PCCA: variants seen among roughly 807,000 people sequenced by gnomAD.
PCCA encodes propionyl-CoA carboxylase subunit alpha.
PCCA carries 74 observed loss-of-function variants against 101.3 expected under a neutral mutation model. The observed-to-expected ratio is 0.73, with a 90% CI of 0.61 to 0.89. The LOEUF (loss-of-function observed/expected upper bound fraction) is 0.89. Among genes scored for constraint, PCCA ranks in the 40% least tolerant of loss-of-function variants. The pLI is 0.00. For synonymous variants in PCCA, 294 were observed against 313.6 expected (o/e 0.94, Z 0.66); for missense variants, 891 against 907.0 (o/e 0.98, Z 0.23).
Position 100,098,966 on chromosome 13 carries a change from G to A in PCCA, c.106-3917G>A, listed in dbSNP as rs188879194. On this transcript the variant is annotated intron_variant, in intron 1 of 23. Transcript: ENST00000376285. ...CTGTTACAATGCATGATGAAATACC[G>A]TGTCATAATACATGGATAAGACCTT... Among the ~76,000 whole-genome samples the A allele has an allele frequency of 4.5e-3, 682 of 152,252 alleles. 8 individuals carry two copies. Among genetic ancestry groups the A allele is most frequent in the Non-Finnish European group, 5.3e-3 (358 of 68,020 alleles).
intron 16 of PCCA, among the ~76,000 whole-genome samples, chr13:100,311,950 C>G (rs1211827334): frequency 6.6e-6 from 1 of 152,082 alleles, no homozygotes; most frequent in Non-Finnish European, 1.5e-5. Context: ...AGAGAATTTA[C>G]CGTCACTGTA....
chr13:100,111,252 C>T (rs1443236064), intron 2 of PCCA, among the ~76,000 whole-genome samples: 5 of 135,486 alleles, frequency 3.7e-5, no homozygotes, highest in African/African-American at 8.4e-5. Flanking sequence ...AGGATGGTCT[C>T]GATCTCCTGA....
intron 7 of PCCA, among the ~76,000 whole-genome samples, chr13:100,214,168 A>G (rs2059382647): frequency 6.6e-6 from 1 of 151,260 alleles, no homozygotes; most frequent in Non-Finnish European, 1.5e-5. Flanking sequence ...AGTTTTGTTC[A>G]TTTTCCTCAG....
chr13:100,315,438 T>A (rs1235138378), intron 16 of PCCA, among the ~76,000 whole-genome samples: 1 of 152,214 alleles, frequency 6.6e-6, no homozygotes, highest in Non-Finnish European at 1.5e-5. Flanking sequence ...ATAGGCAGGT[T>A]TAAAAACTTG....
intron 12 of PCCA, among the ~76,000 whole-genome samples, chr13:100,274,256 G>A (rs1233948284): frequency 6.6e-6 from 1 of 152,060 alleles, no homozygotes; most frequent in Non-Finnish European, 1.5e-5. Context: ...TAATGGGATC[G>A]TATAGTATTC....
intron 6 of PCCA, among the ~76,000 whole-genome samples, chr13:100,170,258 T>C (rs1190428685): frequency 6.6e-6 from 1 of 152,210 alleles, no homozygotes; most frequent in Non-Finnish European, 1.5e-5. Flanking sequence ...GTTGGAAAGA[T>C]TTTTGTTTTT....
At chr13:100,209,773 A>C (rs1386383048) in intron 7 of PCCA, among the ~76,000 whole-genome samples, 1 of 152,030 alleles carries the variant, frequency 6.6e-6, no homozygotes, top group African/African-American at 2.4e-5. Flanking sequence ...CTGGGATTGC[A>C]GGTGCCTGCC....
chr13:100,327,661 G>T (rs74113890), intron 16 of PCCA, among the ~76,000 whole-genome samples: 3 of 152,214 alleles, frequency 2.0e-5, no homozygotes, highest in African/African-American at 7.2e-5. Flanking sequence ...TCCAAAGTGT[G>T]TGTATCATTT....
chr13:100,462,749 A>G (rs1345760666), intron 21 of PCCA, among the ~76,000 whole-genome samples: 1 of 152,234 alleles, frequency 6.6e-6, no homozygotes, highest in Non-Finnish European at 1.5e-5. Flanking sequence ...TCAGTCAGTC[A>G]TCTTACACTG....
At chr13:100,465,518 T>C (rs893619863) in intron 21 of PCCA, among the ~76,000 whole-genome samples, 3 of 152,276 alleles carry the variant, frequency 2.0e-5, no homozygotes, top group Admixed American at 6.5e-5. Flanking sequence ...TATAATTCTT[T>C]AGATTCAGTC....
chr13:100,291,623 G>A (rs1452006143), intron 12 of PCCA, among the ~76,000 whole-genome samples: 4 of 152,188 alleles, frequency 2.6e-5, no homozygotes, highest in Admixed American at 2.0e-4. Flanking sequence ...GGGGTTATCA[G>A]TACTAAGTTC....
At chr13:100,385,809 A>G (rs1006021853) in intron 19 of PCCA, among the ~76,000 whole-genome samples, 2 of 152,016 alleles carry the variant, frequency 1.3e-5, no homozygotes, top group Admixed American at 1.3e-4. Context: ...ACAGGGTTTC[A>G]CCATGTTGCC....
At chr13:100,165,368 T>C (rs2054920581) in intron 6 of PCCA, among the ~76,000 whole-genome samples, 1 of 152,220 alleles carries the variant, frequency 6.6e-6, no homozygotes, top group African/African-American at 2.4e-5. Context: ...CATTGGATAT[T>C]TGTAATGTCC....
intron 21 of PCCA, among the ~76,000 whole-genome samples, chr13:100,494,812 G>T (rs2085162014): frequency 6.6e-6 from 1 of 152,092 alleles, no homozygotes; most frequent in African/African-American, 2.4e-5. Flanking sequence ...TCTTTCCTGT[G>T]TACACTCCTT....
intron 7 of PCCA, among the ~76,000 whole-genome samples, chr13:100,230,893 T>A (rs1252975107): frequency 6.6e-6 from 1 of 152,140 alleles, no homozygotes; most frequent in Non-Finnish European, 1.5e-5. Context: ...TATGCCAGAA[T>A]TCTCCAGCCT....
intron 6 of PCCA, among the ~76,000 whole-genome samples, chr13:100,188,521 A>G (rs766067119): frequency 2.0e-5 from 3 of 152,230 alleles, no homozygotes; most frequent in Non-Finnish European, 2.9e-5. Context: ...ATAAACATGC[A>G]TATGCAAGTA....
At position 100,516,960 on chromosome 13, in the gene PCCA, GT is replaced by G. The variant is rs1320113836; in HGVS notation, c.2040+1401del. Among the ~76,000 whole-genome samples the G allele has an allele frequency of 2.7e-5, 4 of 149,242 alleles. No individual in the cohort carries two copies. The South Asian group carries it at 6.3e-4, about 24-fold the overall frequency. Reference sequence around the variant, plus strand: ...GTTTTGTTTTTTTCATTTTTCTTAAGTTTTTTTTCTGGAAGGCATCTATCTA... The same window carrying G: ...GTTTTGTTTTTTTCATTTTTCTTAAGTTTTTTTCTGGAAGGCATCTATCTA... On this transcript the variant is annotated intron_variant, in intron 22 of 23. Transcript: ENST00000376285.
intron 19 of PCCA, among the ~76,000 whole-genome samples, chr13:100,413,000 A>T (rs2152873432): frequency 6.6e-6 from 1 of 152,364 alleles, no homozygotes; most frequent in South Asian, 2.1e-4. Flanking sequence ...AATATAATTA[A>T]TATTTTAGTA....
intron 4 of PCCA, among the ~76,000 whole-genome samples, chr13:100,143,556 A>AT: frequency 6.6e-6 from 1 of 151,734 alleles, no homozygotes; most frequent in East Asian, 1.9e-4. Context: ...AAAAATAAAA[A>AT]AAAAAAATAA....
Sources: gnomAD v4.1 joint callset for allele counts (sites outside exome capture counted in the v4.1 genomes callset) on GRCh38, gnomAD v4.1.1 for gene constraint, MANE v1.5 for transcripts, NCBI Gene and HGNC (gene_info 2026-07-23, HGNC 2026-07-21) for gene names.